The following DOCK4 variants were observed in gnomAD, a reference collection of about 807,000 sequenced individuals.
DOCK4 encodes the protein dedicator of cytokinesis protein 4.
In DOCK4, 97 loss-of-function variants were observed where a neutral mutation model predicts 268.1. That is an observed-to-expected ratio of 0.36 (90% CI 0.31 to 0.43). The LOEUF is 0.43. DOCK4 is among the 20% of genes least tolerant of loss of function. The pLI is 1.00. For missense variants in DOCK4, 2,145 were observed against 2,455.7 expected, an observed-to-expected ratio of 0.87 and a Z score of 2.67; for synonymous variants, 954 against 887.2, an observed-to-expected ratio of 1.08 and a Z score of -1.34.
intron 44 of DOCK4, among the ~76,000 whole-genome samples, chr7:111,743,893 C>T (rs555038195): frequency 7.2e-4 from 110 of 152,304 alleles, no homozygotes; most frequent in Middle Eastern, 3.4e-3. Context: ...GATCATAGCT[C>T]ACTGCAACCT....
At chr7:112,088,690 G>T (rs909659614) in intron 1 of DOCK4, among the ~76,000 whole-genome samples, 2 of 152,132 alleles carry the variant, frequency 1.3e-5, no homozygotes, top group African/African-American at 4.8e-5. Context: ...GGGCAGGATT[G>T]TGTTAACTGG....
Position 111,845,031 on chromosome 7 carries a change from G to T in DOCK4, c.2602-134C>A, listed in dbSNP as rs2134082354. ...CCTAAGTGAATGATCTCCTTTTACA[G>T]TAAACAAAGGCACAGAGAAGTTAAT... On this transcript the variant is annotated intron_variant, in intron 24 of 52. Coordinates refer to ENST00000428084, the MANE Select transcript of DOCK4 (RefSeq NM_001363540.2). The T allele has an allele frequency of 2.4e-6, 3 of 1,241,958 alleles. No individual in the cohort carries two copies. The East Asian group carries it at 7.2e-5, about 30-fold the overall frequency. The allele number at this position is 1,241,958 out of a possible 1,614,324, so 76.9% of individuals were successfully genotyped here. A position where few individuals can be genotyped will look rare whatever the true frequency, so the allele number is the denominator to read the frequency against.
intron 1 of DOCK4, among the ~76,000 whole-genome samples, chr7:112,047,295 T>G (rs1804910345): frequency 6.6e-6 from 1 of 152,274 alleles, no homozygotes; most frequent in East Asian, 1.9e-4. Flanking sequence ...ATTCAAAATA[T>G]TCGCTACCTA....
At chr7:111,890,514 A>G (rs932230961) in intron 16 of DOCK4, among the ~76,000 whole-genome samples, 1 of 152,198 alleles carries the variant, frequency 6.6e-6, no homozygotes, top group Non-Finnish European at 1.5e-5. Context: ...CCTAGAGCTA[A>G]TGATATGCAA....
At chr7:112,192,078 T>C (rs1228573905) in intron 1 of DOCK4, among the ~76,000 whole-genome samples, 1 of 148,268 alleles carries the variant, frequency 6.7e-6, no homozygotes, top group Non-Finnish European at 1.5e-5. Flanking sequence ...TGTGTGTATA[T>C]ATATAGTGTG....
intron 30 of DOCK4, among the ~76,000 whole-genome samples, chr7:111,797,596 G>T (rs1799989322): frequency 6.6e-6 from 1 of 152,080 alleles, no homozygotes; most frequent in Non-Finnish European, 1.5e-5. Context: ...CAAAAAAATA[G>T]TAGAAACACC....
chr7:112,140,353 G>A (rs984505217), intron 1 of DOCK4, among the ~76,000 whole-genome samples: 1 of 152,106 alleles, frequency 6.6e-6, no homozygotes, highest in Non-Finnish European at 1.5e-5. Flanking sequence ...ACCCAGAGCT[G>A]ATGATACATT....
intron 23 of DOCK4, among the ~76,000 whole-genome samples, chr7:111,856,359 G>T (rs1039710176): frequency 1.3e-5 from 2 of 152,256 alleles, no homozygotes; most frequent in East Asian, 3.9e-4. Flanking sequence ...TTTCAGTGAG[G>T]TATATTTTTC....
chr7:111,788,471 A>C, intron 32 of DOCK4, 191 bp downstream of exon 32: 1 of 580,476 alleles, frequency 1.7e-6, no homozygotes, highest in Non-Finnish European at 3.1e-6. Flanking sequence ...AGACATGCCT[A>C]ATCATCAACA....
rs563726346 is a variant in DOCK4 at position 111,970,830 on chromosome 7, C to T, written c.701+6302G>A. 6.6e-5 allele frequency among the ~76,000 whole-genome samples: 10 copies of T among 152,208 alleles called. No homozygotes were observed. In the East Asian group the frequency reaches 1.5e-3, roughly 24 times the overall value. On this transcript the variant is annotated intron_variant, in intron 8 of 52. Coordinates refer to ENST00000428084, the MANE Select transcript of DOCK4 (RefSeq NM_001363540.2). ...GAGTAGGTGTGTTTAAGCAGGATGC[C>T]GTGGGAATGGGCCTCAATCTTTAGT...
intron 49 of DOCK4, 21 bp downstream of exon 49, chr7:111,739,113 T>C: frequency 6.3e-7 from 1 of 1,588,604 alleles, no homozygotes; most frequent in Non-Finnish European, 8.6e-7. Flanking sequence ...TTTTCTAGTT[T>C]CTCTACCCTA....
chr7:111,870,928 A>G (rs1034091293), intron 20 of DOCK4, among the ~76,000 whole-genome samples: 1 of 152,198 alleles, frequency 6.6e-6, no homozygotes, highest in African/African-American at 2.4e-5. Flanking sequence ...GAGTGGGCCG[A>G]TGTTTCAAAA....
intron 32 of DOCK4, among the ~76,000 whole-genome samples, chr7:111,786,626 G>A (rs3757645): frequency 0.18 from 27,233 of 152,122 alleles, 6,539 homozygotes; most frequent in African/African-American, 0.55. Flanking sequence ...TACAATTTAG[G>A]AAGCAGTGAA....
At chr7:112,041,268 C>T (rs1254387532) in intron 1 of DOCK4, among the ~76,000 whole-genome samples, 1 of 152,024 alleles carries the variant, frequency 6.6e-6, no homozygotes, top group Admixed American at 6.6e-5. Flanking sequence ...TAAGAATATG[C>T]AATTATGAAG....
chr7:112,163,502 C>T (rs1817323167), intron 1 of DOCK4, among the ~76,000 whole-genome samples: 1 of 152,132 alleles, frequency 6.6e-6, no homozygotes, highest in Admixed American at 6.5e-5. Flanking sequence ...CAAAATCATG[C>T]CAATGTCAGC....
intron 16 of DOCK4, among the ~76,000 whole-genome samples, chr7:111,880,794 G>C (rs982182179): frequency 6.6e-6 from 1 of 152,062 alleles, no homozygotes; most frequent in African/African-American, 2.4e-5. Flanking sequence ...ACTCTTTTTC[G>C]ACAAAGGTGC....
intron 1 of DOCK4, among the ~76,000 whole-genome samples, chr7:112,061,056 T>C (rs1440529820): frequency 6.6e-6 from 1 of 152,220 alleles, no homozygotes; most frequent in Non-Finnish European, 1.5e-5. Context: ...TTTACTTTTA[T>C]ATTCCTTTTT....
intron 28 of DOCK4, 105 bp from the exon 29 acceptor site, chr7:111,809,506 T>G (rs1384619460): frequency 1.1e-6 from 1 of 903,214 alleles, no homozygotes; most frequent in Non-Finnish European, 1.7e-6. Flanking sequence ...GAGGGTATAG[T>G]TGAAGTAAGA....
At chr7:111,976,153 A>ATATATAT (rs1554400588) in intron 8 of DOCK4, among the ~76,000 whole-genome samples, 24 of 75,360 alleles carry the variant, frequency 3.2e-4, no homozygotes, top group African/African-American at 1.2e-3. Flanking sequence ...AAAAAAAAAA[A>ATATATAT]AAAAAAAAAT....
Sources: allele counts gnomAD v4.1 joint callset (sites outside exome capture counted in the v4.1 genomes callset), GRCh38; gene constraint gnomAD v4.1.1; transcripts MANE v1.5; gene names NCBI Gene and HGNC (gene_info 2026-07-23, HGNC 2026-07-21).